Variants in C1QTNF3 observed in about 807,000 individuals in gnomAD.
C1QTNF3 encodes the protein C1q and TNF related 3.
C1QTNF3 carries 26 observed loss-of-function variants against 32.6 expected under a neutral mutation model. The ratio of observed to expected loss-of-function variants is 0.80; its 90% CI spans 0.58 to 1.11. The LOEUF (loss-of-function observed/expected upper bound fraction) is 1.11. Among genes scored for constraint, C1QTNF3 ranks in the 50% least tolerant of loss-of-function variants. The pLI is 0.00. For missense variants in C1QTNF3, 362 were observed against 398.2 expected, an observed-to-expected ratio of 0.91 and a Z score of 0.77; for synonymous variants, 155 against 146.0, an observed-to-expected ratio of 1.06 and a Z score of -0.44.
chr5:34,169,652 C>T, the C1QTNF3 span, among the ~76,000 whole-genome samples: 1 of 151,688 alleles, frequency 6.6e-6, no homozygotes, highest in African/African-American at 2.4e-5. Context: ...TGATATAGTC[C>T]AACTTGCCTA....
At chr5:34,194,764 G>A in the C1QTNF3 span, among the ~76,000 whole-genome samples, 2 of 152,284 alleles carry the variant, frequency 1.3e-5, no homozygotes, top group East Asian at 3.8e-4. Flanking sequence ...AGGATCTCCT[G>A]AGGATAACAA....
chr5:34,077,223 C>CT, the C1QTNF3 span, among the ~76,000 whole-genome samples: 1 of 151,636 alleles, frequency 6.6e-6, no homozygotes, highest in African/African-American at 2.4e-5. Context: ...TAAAATCAGA[C>CT]TTTAAGAAGT....
the C1QTNF3 span, among the ~76,000 whole-genome samples, chr5:34,157,555 G>A: frequency 5.9e-5 from 9 of 152,114 alleles, no homozygotes; most frequent in Admixed American, 2.0e-4. Context: ...AATTATCCTC[G>A]TTATTCTGTT....
chr5:34,138,568 A>T, the C1QTNF3 span, among the ~76,000 whole-genome samples: 216 of 152,236 alleles, frequency 1.4e-3, 1 homozygote, highest in Admixed American at 3.3e-3. Flanking sequence ...TGACATCATT[A>T]ATCTCTCACT....
the C1QTNF3 span, among the ~76,000 whole-genome samples, chr5:34,085,140 G>A: frequency 1.8e-4 from 27 of 149,464 alleles, no homozygotes; most frequent in Admixed American, 1.3e-3. Context: ...ACAGGCGCCT[G>A]CCACTACGCC....
the C1QTNF3 span, chr5:34,219,916 C>A: frequency 6.6e-6 from 1 of 152,074 alleles, no homozygotes; most frequent in Non-Finnish European, 1.5e-5. Flanking sequence ...AATGTGCTCA[C>A]TGACAATGAA....
At chr5:34,211,261 T>C in the C1QTNF3 span, among the ~76,000 whole-genome samples, 1 of 151,978 alleles carries the variant, frequency 6.6e-6, no homozygotes, top group Admixed American at 6.6e-5. Flanking sequence ...TTAGTTTCAT[T>C]AATTTTTACA....
the C1QTNF3 span, chr5:34,164,750 ACATT>A: frequency 6.6e-6 from 1 of 152,042 alleles, no homozygotes; most frequent in Non-Finnish European, 1.5e-5. Flanking sequence ...ATTATTATAT[ACATT>A]CATTCATAAA....
intron 3 of C1QTNF3, among the ~76,000 whole-genome samples, chr5:34,031,557 G>C (rs908255799): frequency 6.6e-6 from 1 of 152,188 alleles, no homozygotes; most frequent in Non-Finnish European, 1.5e-5. Context: ...ATTTGGCTAG[G>C]CACAGTGGCT....
chr5:34,174,486 C>A, the C1QTNF3 span, among the ~76,000 whole-genome samples: 1 of 152,136 alleles, frequency 6.6e-6, no homozygotes, highest in South Asian at 2.1e-4. Flanking sequence ...CCCTCTACTT[C>A]TTCCCTCTCA....
chr5:34,195,603 A>T, the C1QTNF3 span, among the ~76,000 whole-genome samples: 1 of 152,220 alleles, frequency 6.6e-6, no homozygotes, highest in African/African-American at 2.4e-5. Flanking sequence ...GCACTTTGGG[A>T]GGCCGAGGCG....
intron 1 of C1QTNF3, among the ~76,000 whole-genome samples, chr5:34,040,275 A>G (rs1754835539): frequency 6.6e-6 from 1 of 152,212 alleles, no homozygotes; most frequent in South Asian, 2.1e-4. Flanking sequence ...TTTGTCTCTA[A>G]GAAATGCTCC....
the C1QTNF3 span, among the ~76,000 whole-genome samples, chr5:34,070,095 A>G: frequency 6.6e-6 from 1 of 152,188 alleles, no homozygotes; most frequent in Non-Finnish European, 1.5e-5. Context: ...TCCTGTTCTT[A>G]TTGGATACAC....
At chr5:34,029,859 A>G (rs1297221685) in intron 3 of C1QTNF3, among the ~76,000 whole-genome samples, 2 of 152,252 alleles carry the variant, frequency 1.3e-5, no homozygotes, top group Non-Finnish European at 2.9e-5. Context: ...GAAATAAAGT[A>G]ATAATATGTA....
chr5:34,091,615 C>T, the C1QTNF3 span, among the ~76,000 whole-genome samples: 4 of 152,202 alleles, frequency 2.6e-5, no homozygotes, highest in Non-Finnish European at 4.4e-5. Flanking sequence ...TACATGGCAA[C>T]TTAGTCTTCA....
the C1QTNF3 span, among the ~76,000 whole-genome samples, chr5:34,231,683 G>C: frequency 6.6e-6 from 1 of 152,192 alleles, no homozygotes; most frequent in Non-Finnish European, 1.5e-5. Context: ...TTGTGCAGAC[G>C]GGAAGAGTTG....
the C1QTNF3 span, among the ~76,000 whole-genome samples, chr5:34,092,969 T>G: frequency 1.1e-4 from 17 of 151,828 alleles, no homozygotes; most frequent in Non-Finnish European, 2.4e-4. Flanking sequence ...CAATTCTTAT[T>G]TGTAAATTAT....
At chr5:34,120,372 T>TG in the C1QTNF3 span, among the ~76,000 whole-genome samples, 3 of 152,196 alleles carry the variant, frequency 2.0e-5, no homozygotes, top group Non-Finnish European at 4.4e-5. Context: ...ATCACATTTT[T>TG]TTTTTCAGAG....
chr5:34,217,753 GAAATT>G, the C1QTNF3 span, among the ~76,000 whole-genome samples: 1 of 152,152 alleles, frequency 6.6e-6, no homozygotes, highest in Non-Finnish European at 1.5e-5. Flanking sequence ...ATACAATACA[GAAATT>G]AAATTAAATC....
Sources: gnomAD v4.1 joint callset for allele counts (sites outside exome capture counted in the v4.1 genomes callset) on GRCh38, gnomAD v4.1.1 for gene constraint, MANE v1.5 for transcripts, NCBI Gene and HGNC (gene_info 2026-07-23, HGNC 2026-07-21) for gene names.